The following NRG3 variants were observed in gnomAD, a reference collection of about 807,000 sequenced individuals.
NRG3 encodes the protein neuregulin 3.
In NRG3, 31 loss-of-function variants were observed where a neutral mutation model predicts 66.9. The observed-to-expected ratio is 0.46, with a 90% CI of 0.35 to 0.63. NRG3 has a LOEUF of 0.63. Among genes scored for constraint, NRG3 ranks in the 20% least tolerant of loss-of-function variants. The probability of loss-of-function intolerance (pLI) is 0.00; values close to 1 mark genes in which losing one functional copy is unlikely to be tolerated. For missense variants in NRG3, 910 were observed against 878.9 expected (o/e 1.04, Z -0.45); for synonymous variants, 393 against 359.4 (o/e 1.09, Z -1.06).
intron 2 of NRG3, among the ~76,000 whole-genome samples, chr10:82,604,461 C>A (rs570453921): frequency 1.1e-4 from 16 of 152,232 alleles, no homozygotes; most frequent in Middle Eastern, 3.4e-3. Context: ...TGGTTGCTGT[C>A]ACATTTTGGC....
intron 2 of NRG3, among the ~76,000 whole-genome samples, chr10:82,609,858 C>A (rs2048200652): frequency 6.6e-6 from 1 of 152,196 alleles, no homozygotes. Context: ...TATATCACAA[C>A]AAATTACCAC....
At chr10:82,320,628 T>C (rs1315595905) in intron 1 of NRG3, among the ~76,000 whole-genome samples, 2 of 152,162 alleles carry the variant, frequency 1.3e-5, no homozygotes, top group Non-Finnish European at 2.9e-5. Flanking sequence ...ATTTCAAAGA[T>C]GACTGGGGTA....
intron 2 of NRG3, among the ~76,000 whole-genome samples, chr10:82,593,897 A>T (rs2047125393): frequency 6.6e-6 from 1 of 151,962 alleles, no homozygotes; most frequent in African/African-American, 2.4e-5. Flanking sequence ...CTATTATAAA[A>T]GTTGTAGACA....
intron 2 of NRG3, among the ~76,000 whole-genome samples, chr10:82,385,174 G>A (rs2085897780): frequency 6.6e-6 from 1 of 151,850 alleles, no homozygotes; most frequent in South Asian, 2.1e-4. Flanking sequence ...TTTTTTTCTT[G>A]CTAATTTGTT....
intron 2 of NRG3, among the ~76,000 whole-genome samples, chr10:82,455,040 A>C (rs1172898556): frequency 6.6e-6 from 1 of 152,234 alleles, no homozygotes; most frequent in Non-Finnish European, 1.5e-5. Flanking sequence ...GAGTGGAGGG[A>C]CTGGAATTTG....
chr10:82,078,987 A>G (rs757838846), intron 1 of NRG3, among the ~76,000 whole-genome samples: 10 of 152,150 alleles, frequency 6.6e-5, no homozygotes, highest in Non-Finnish European at 1.3e-4. Flanking sequence ...ATGTGTGTAT[A>G]TGTGTGTTTG....
intron 4 of NRG3, among the ~76,000 whole-genome samples, chr10:82,912,760 T>C (rs1845444796): frequency 1.3e-5 from 2 of 152,302 alleles, no homozygotes; most frequent in South Asian, 4.1e-4. Flanking sequence ...TTTTTCATTT[T>C]TGGATCTAAT....
intron 2 of NRG3, among the ~76,000 whole-genome samples, chr10:82,708,564 T>G (rs2056463597): frequency 6.6e-6 from 1 of 152,208 alleles, no homozygotes; most frequent in African/African-American, 2.4e-5. Flanking sequence ...ATTTACAAAT[T>G]TGTTTTTAAA....
chr10:82,635,586 G>A (rs2050139609), intron 2 of NRG3, among the ~76,000 whole-genome samples: 3 of 152,006 alleles, frequency 2.0e-5, no homozygotes, highest in Admixed American at 2.0e-4. Flanking sequence ...TAGACAAAAG[G>A]GTTTACTGTC....
chr10:82,143,880 A>T (rs1230795671), intron 1 of NRG3, among the ~76,000 whole-genome samples: 1 of 152,012 alleles, frequency 6.6e-6, no homozygotes, highest in Non-Finnish European at 1.5e-5. Flanking sequence ...AAGTACAAAA[A>T]TTAGCAGGGC....
chr10:82,158,399 C>T (rs1397963855), intron 1 of NRG3, among the ~76,000 whole-genome samples: 7 of 151,388 alleles, frequency 4.6e-5, no homozygotes, highest in Admixed American at 1.3e-4. Flanking sequence ...TGGTGTCTCA[C>T]GGTGTATGTG....
At chr10:82,899,871 T>A (rs1356730708) in intron 4 of NRG3, among the ~76,000 whole-genome samples, 2 of 152,046 alleles carry the variant, frequency 1.3e-5, no homozygotes, top group African/African-American at 4.8e-5. Flanking sequence ...ACGAGAGGGG[T>A]AGAGGAAATT....
intron 3 of NRG3, among the ~76,000 whole-genome samples, chr10:82,834,087 C>T (rs1166959265): frequency 6.6e-6 from 1 of 152,098 alleles, no homozygotes; most frequent in East Asian, 1.9e-4. Flanking sequence ...ATATCAGGCC[C>T]AGATCATCAA....
At chr10:82,215,082 C>T (rs533939124) in intron 1 of NRG3, among the ~76,000 whole-genome samples, 2 of 152,238 alleles carry the variant, frequency 1.3e-5, no homozygotes, top group African/African-American at 4.8e-5. Context: ...TTCATCATTA[C>T]AATGAGTAGA....
chr10:82,188,432 A>G (rs766208491), intron 1 of NRG3, among the ~76,000 whole-genome samples: 29 of 152,194 alleles, frequency 1.9e-4, no homozygotes, highest in Non-Finnish European at 3.7e-4. Flanking sequence ...CAGCATAAGC[A>G]ACCAAAGCAA....
intron 1 of NRG3, among the ~76,000 whole-genome samples, chr10:82,133,991 T>C (rs1158264450): frequency 6.6e-6 from 1 of 152,198 alleles, no homozygotes; most frequent in Non-Finnish European, 1.5e-5. Context: ...ATTGTGGGTT[T>C]GATTTGCATT....
intron 4 of NRG3, 113 bp downstream of exon 4, chr10:82,865,550 T>A: frequency 2.9e-6 from 3 of 1,050,306 alleles, no homozygotes; most frequent in Middle Eastern, 2.1e-4. Flanking sequence ...TATCAGATGC[T>A]ATTAGTAGGA....
At chr10:82,107,660 A>G (rs556173523) in intron 1 of NRG3, among the ~76,000 whole-genome samples, 50 of 152,340 alleles carry the variant, frequency 3.3e-4, no homozygotes, top group African/African-American at 1.1e-3. Context: ...AATAAACTGT[A>G]TGATCATTAC....
chr10:82,013,849 A>G (rs1170640942), intron 1 of NRG3, among the ~76,000 whole-genome samples: 3 of 152,204 alleles, frequency 2.0e-5, no homozygotes, highest in Non-Finnish European at 4.4e-5. Flanking sequence ...GAACAAAAAT[A>G]ATGACAATTT....
Sources: allele counts gnomAD v4.1 joint callset (sites outside exome capture counted in the v4.1 genomes callset), GRCh38; gene constraint gnomAD v4.1.1; transcripts MANE v1.5; gene names NCBI Gene and HGNC (gene_info 2026-07-23, HGNC 2026-07-21).